Variants in PCDHGA3 observed in about 807,000 individuals in gnomAD.
PCDHGA3 encodes the protein protocadherin gamma subfamily A, 3.
A neutral mutation model predicts 58.5 loss-of-function variants in PCDHGA3; 40 were observed. The observed-to-expected ratio is 0.68, with a 90% CI of 0.53 to 0.89. PCDHGA3 has a LOEUF of 0.89. Ranked by LOEUF, PCDHGA3 falls within the 40% of genes least tolerant of loss-of-function variation. The pLI is 0.00. For synonymous variants in PCDHGA3, 530 were observed against 525.7 expected, an observed-to-expected ratio of 1.01 and a Z score of -0.11; for missense variants, 1,223 against 1,195.9, an observed-to-expected ratio of 1.02 and a Z score of -0.33.
intron 1 of PCDHGA3, chr5:141,362,353 C>T (rs1561526575): frequency 3.1e-6 from 5 of 1,613,956 alleles, no homozygotes; most frequent in South Asian, 1.1e-5. Context: ...ACCTGGGGTT[C>T]TCCCCAATTA....
intron 3 of PCDHGA3, among the ~76,000 whole-genome samples, chr5:141,509,620 C>G (rs1321910971): frequency 6.6e-6 from 1 of 152,188 alleles, no homozygotes; most frequent in African/African-American, 2.4e-5. Context: ...TAAACAAGTT[C>G]CTGGGTGATG....
In PCDHGA3 at chr5:141,510,932, CCT is replaced by C. The variant is rs753455267; in HGVS notation, c.2573-12_2573-11del. 6 of 1,613,998 alleles carry C rather than the reference CCT, an allele frequency of 3.7e-6. No homozygotes were observed. The highest frequency in any genetic ancestry group is 1.1e-5 in the South Asian group (1 of 91,082). ...CTAAGTTTAGCTCCCACCTGATCTTCCTCTGTCTCTGCAGAAGCTGCTGATGG... is the reference window on the plus strand; with the variant it reads ...CTAAGTTTAGCTCCCACCTGATCTTCCTGTCTCTGCAGAAGCTGCTGATGG... On this transcript the variant is annotated splice_polypyrimidine_tract_variant and intron_variant, in intron 3 of 3. Coordinates refer to ENST00000253812, the MANE Select transcript of PCDHGA3 (RefSeq NM_018916.4).
intron 2 of PCDHGA3, among the ~76,000 whole-genome samples, chr5:141,505,069 G>A (rs2099843308): frequency 2.0e-5 from 3 of 152,340 alleles, no homozygotes; most frequent in East Asian, 1.9e-4. Flanking sequence ...GACTGAGGCA[G>A]GAGAATCGCT....
intron 1 of PCDHGA3, among the ~76,000 whole-genome samples, chr5:141,455,808 A>G (rs2098832210): frequency 6.6e-6 from 1 of 152,050 alleles, no homozygotes; most frequent in Non-Finnish European, 1.5e-5. Flanking sequence ...TAAAAAATGA[A>G]AACTTCCCAA....
intron 1 of PCDHGA3, chr5:141,361,292 T>C (rs1761961385): frequency 6.2e-7 from 1 of 1,613,976 alleles, no homozygotes; most frequent in Non-Finnish European, 8.5e-7. Flanking sequence ...TACTGCCAAG[T>C]GTTGGGAAAT....
intron 1 of PCDHGA3, chr5:141,400,729 A>G: frequency 1.5e-6 from 1 of 649,042 alleles, no homozygotes. Flanking sequence ...TTTACAAAGT[A>G]GTGAGAGTTT....
intron 1 of PCDHGA3, chr5:141,413,577 T>C (rs752007520): frequency 2.5e-6 from 4 of 1,613,836 alleles, no homozygotes; most frequent in Non-Finnish European, 3.4e-6. Context: ...ATGACAATGC[T>C]CCAAAATTCC....
chr5:141,356,163 C>T (rs746934600), intron 1 of PCDHGA3: 45 of 1,613,048 alleles, frequency 2.8e-5, no homozygotes, highest in Non-Finnish European at 3.8e-5. Flanking sequence ...ATGTAGAAGC[C>T]CATGATGGGC....
chr5:141,374,633 A>G, intron 1 of PCDHGA3: 1 of 1,613,130 alleles, frequency 6.2e-7, no homozygotes, highest in South Asian at 1.1e-5. Flanking sequence ...GGACGTGCAA[A>G]GCGAAGCCCA....
chr5:141,365,153 G>A, intron 1 of PCDHGA3: 1 of 1,613,872 alleles, frequency 6.2e-7, no homozygotes, highest in Non-Finnish European at 8.5e-7. Flanking sequence ...GGGAATAAAC[G>A]GGAAATTGAC....
chr5:141,388,341 A>G, intron 1 of PCDHGA3: 1 of 1,614,036 alleles, frequency 6.2e-7, no homozygotes, highest in Non-Finnish European at 8.5e-7. Flanking sequence ...CACACGATTT[A>G]TATTAGGATC....
chr5:141,443,093 C>G (rs1316602934), intron 1 of PCDHGA3, among the ~76,000 whole-genome samples: 2 of 151,940 alleles, frequency 1.3e-5, no homozygotes, highest in African/African-American at 4.8e-5. Flanking sequence ...CAGTCTCCTT[C>G]TCAAGCTGAA....
chr5:141,422,298 T>G, intron 1 of PCDHGA3: 1 of 1,549,054 alleles, frequency 6.5e-7, no homozygotes, highest in Non-Finnish European at 8.7e-7. Flanking sequence ...TTAATTCAAT[T>G]CTGGAAAACT....
At chr5:141,438,159 T>TA (rs974013542) in intron 1 of PCDHGA3, among the ~76,000 whole-genome samples, 44 of 152,258 alleles carry the variant, frequency 2.9e-4, no homozygotes, top group African/African-American at 9.9e-4. Context: ...ATGGCAAAGC[T>TA]AATTGGAAAA....
At position 141,490,954 on chromosome 5, in the gene PCDHGA3, G is replaced by A. The variant is rs749646808; in HGVS notation, c.2425-3853G>A. On this transcript the variant is annotated intron_variant, in intron 1 of 3. Coordinates refer to ENST00000253812, the MANE Select transcript of PCDHGA3 (RefSeq NM_018916.4). This position sits in a 1 kb window ranked among gnomAD's most constrained non-coding sequence, Gnocchi z 5.4. ...TGTGCTGCACCCACGGCCAGACTGGGAACACTCAGCCCCCCAGCGTCTCCC... is the reference window on the plus strand; with the variant it reads ...TGTGCTGCACCCACGGCCAGACTGGAAACACTCAGCCCCCCAGCGTCTCCC... 9 of 1,613,662 alleles carry A rather than the reference G, an allele frequency of 5.6e-6. No individual in the cohort carries two copies. The African/African-American group carries it at 8.0e-5, about 14-fold the overall frequency.
At chr5:141,429,105 C>G (rs936114624) in intron 1 of PCDHGA3, 1 of 152,318 alleles carries the variant, frequency 6.6e-6, no homozygotes, top group Non-Finnish European at 1.5e-5. Flanking sequence ...CTGCCCGCCT[C>G]GGCCTCCCAA....
At chr5:141,404,806 G>A (rs774487660) in intron 1 of PCDHGA3, 29 of 1,613,874 alleles carry the variant, frequency 1.8e-5, no homozygotes, top group South Asian at 1.3e-4. Context: ...GGCTCTTCTC[G>A]GTGGGGCTGC....
At chr5:141,502,542 A>G (rs2099814957) in intron 2 of PCDHGA3, among the ~76,000 whole-genome samples, 1 of 152,216 alleles carries the variant, frequency 6.6e-6, no homozygotes, top group Admixed American at 6.5e-5. Context: ...TTCGTGTGGT[A>G]AAAACAGTGT....
At chr5:141,473,858 C>G (rs569473917) in intron 1 of PCDHGA3, among the ~76,000 whole-genome samples, 1 of 152,286 alleles carries the variant, frequency 6.6e-6, no homozygotes, top group Admixed American at 6.5e-5. Flanking sequence ...ATGAACCTCG[C>G]TATTGTGGAG....
Sources: allele counts gnomAD v4.1 joint callset (sites outside exome capture counted in the v4.1 genomes callset), GRCh38; gene constraint gnomAD v4.1.1; non-coding constraint Gnocchi (gnomAD v3.1); transcripts MANE v1.5; gene names NCBI Gene and HGNC (gene_info 2026-07-23, HGNC 2026-07-21).